OPHN1: variants seen among roughly 807,000 people sequenced by gnomAD.
OPHN1 encodes oligophrenin-1.
OPHN1 carries 11 observed loss-of-function variants against 60.7 expected under a neutral mutation model. That is an observed-to-expected ratio of 0.18 (90% confidence interval 0.11 to 0.30). The LOEUF is 0.30. Ranked by LOEUF, OPHN1 falls within the 10% of genes least tolerant of loss-of-function variation. The pLI is 1.00. For missense variants in OPHN1, 449 were observed against 611.0 expected (o/e 0.73, Z 2.80); for synonymous variants, 226 against 222.6 (o/e 1.02, Z -0.14).
At chrX:68,415,016 CAG>C (rs1443864728) in intron 2 of OPHN1, among the ~76,000 whole-genome samples, 3 of 112,143 alleles carry the variant, frequency 2.7e-5, no homozygotes, top group African/African-American at 9.7e-5. Flanking sequence ...CTCAAAAGGA[CAG>C]AGTTAAAGAT....
Position 68,068,557 on chromosome X carries a change from T to A in OPHN1, c.1835-4380A>T, listed in dbSNP as rs769202786. ...AAAGTTTTAATATAGACCGACCATA[T>A]AACCTACAATTCCAGTCCTAGGTAT... is the stretch of plus-strand genomic sequence containing the variant. On this transcript the variant is annotated intron_variant, in intron 20 of 24. Coordinates refer to ENST00000355520, the MANE Select transcript of OPHN1 (RefSeq NM_002547.3). Among the ~76,000 whole-genome samples the A allele has an allele frequency of 3.9e-5, 4 of 101,793 alleles. No homozygotes were observed. The Admixed American group carries it at 4.3e-4, about 11-fold the overall frequency. The allele number at this position is 101,793 out of a possible 115,157, so 88.4% of individuals were successfully genotyped here.
intron 2 of OPHN1, among the ~76,000 whole-genome samples, chrX:68,313,784 C>A (rs144232370): frequency 5.3e-4 from 59 of 111,394 alleles, no homozygotes; most frequent in African/African-American, 1.7e-3. Context: ...TACTGAATAG[C>A]ACAACAGTGT....
chrX:68,251,060 T>A (rs2077831425), intron 5 of OPHN1, among the ~76,000 whole-genome samples: 1 of 110,400 alleles, frequency 9.1e-6, no homozygotes, highest in African/African-American at 3.3e-5. Flanking sequence ...TGTTCAGGGC[T>A]TTGAAGAAAT....
intron 20 of OPHN1, among the ~76,000 whole-genome samples, chrX:68,065,370 T>C (rs1021900424): frequency 1.8e-5 from 2 of 111,634 alleles, no homozygotes; most frequent in African/African-American, 6.5e-5. Context: ...AGAGTTCCTT[T>C]CTTTTAGAGA....
At chrX:68,155,929 A>G (rs1474421676) in intron 15 of OPHN1, among the ~76,000 whole-genome samples, 2 of 111,981 alleles carry the variant, frequency 1.8e-5, no homozygotes, top group African/African-American at 6.5e-5. Flanking sequence ...AAAGAATAAG[A>G]AGAAATTTCA....
At chrX:68,374,976 C>G (rs958526486) in intron 2 of OPHN1, among the ~76,000 whole-genome samples, 4 of 111,812 alleles carry the variant, frequency 3.6e-5, no homozygotes, top group Non-Finnish European at 7.5e-5. Context: ...CCATGTGCTG[C>G]CAAGGATAGA....
intron 2 of OPHN1, among the ~76,000 whole-genome samples, chrX:68,413,695 C>T (rs770730040): frequency 9.0e-6 from 1 of 111,327 alleles, no homozygotes; most frequent in Non-Finnish European, 1.9e-5. Flanking sequence ...CACTTGAGCC[C>T]AGGAGTTCAA....
chrX:68,389,618 G>T lies in OPHN1; in HGVS notation c.154+43249C>A, dbSNP rs1433660066. Reference sequence around the variant, plus strand: ...AAATAAATAAATAAATAAATAAAATGTGTAATGACATGGGAAGATATTAAT... The same window carrying T: ...AAATAAATAAATAAATAAATAAAATTTGTAATGACATGGGAAGATATTAAT... On this transcript the variant is annotated intron_variant, in intron 2 of 24. Coordinates refer to ENST00000355520, the MANE Select transcript of OPHN1 (RefSeq NM_002547.3). 9.0e-5 allele frequency among the ~76,000 whole-genome samples: 8 copies of T among 89,203 alleles called. No individual in the cohort carries two copies. In the Admixed American group the frequency reaches 1.0e-3, roughly 11 times the overall value. The allele number at this position is 89,203 out of a possible 115,157, so 77.5% of individuals were successfully genotyped here. A position where few individuals can be genotyped will look rare whatever the true frequency, so the allele number is the denominator to read the frequency against.
intron 21 of OPHN1, 41 bp from the exon 22 acceptor site, chrX:68,053,851 A>G (rs1463365536): frequency 8.4e-7 from 1 of 1,186,816 alleles, no homozygotes; most frequent in Admixed American, 2.3e-5. Context: ...ATGGTTAGCC[A>G]AACAGAACAC....
At chrX:68,232,683 CT>C (rs769596517) in intron 6 of OPHN1, among the ~76,000 whole-genome samples, 3 of 111,759 alleles carry the variant, frequency 2.7e-5, no homozygotes, top group African/African-American at 9.7e-5. Context: ...ATGTTGGGAG[CT>C]GTTTAACAGT....
chrX:68,356,152 G>A (rs2078439424), intron 2 of OPHN1, among the ~76,000 whole-genome samples: 1 of 109,304 alleles, frequency 9.1e-6, no homozygotes, highest in African/African-American at 3.3e-5. Context: ...TTTCTGTAGG[G>A]GTGTTTTTGG....
At chrX:68,117,295 T>C (rs1312766805) in intron 16 of OPHN1, among the ~76,000 whole-genome samples, 2 of 111,757 alleles carry the variant, frequency 1.8e-5, no homozygotes, top group Non-Finnish European at 3.8e-5. Context: ...TGATTCCAAC[T>C]TACAGTTCAA....
At position 68,193,876 on chromosome X, in the gene OPHN1, G is replaced by T. The variant is rs1490768639; in HGVS notation, c.1201+14C>A. 4 of 1,183,805 alleles carry T rather than the reference G, an allele frequency of 3.4e-6. No homozygotes were observed. The highest frequency in any genetic ancestry group is 4.6e-6 in the Non-Finnish European group (4 of 871,589). On this transcript the variant is annotated intron_variant, in intron 14 of 24. Coordinates refer to ENST00000355520, the MANE Select transcript of OPHN1 (RefSeq NM_002547.3). ...GAGATTCAGACAATGCCAAGACTAT[G>T]GTTCAGATCTTACCTTTGGTCTCAA...
chrX:68,258,797 A>G (rs1355587688), intron 5 of OPHN1, among the ~76,000 whole-genome samples: 1 of 111,506 alleles, frequency 9.0e-6, no homozygotes, highest in Non-Finnish European at 1.9e-5. Context: ...CTGTGTCTGT[A>G]CAGCAAATTT....
At position 68,427,274 on chromosome X, in the gene OPHN1, A is replaced by G. The variant is rs746579461; in HGVS notation, c.154+5593T>C. ...ACACAGTGAACTCTGTCTCAAAAAA[A>G]AAAAACAACAACAACAACAAAAAAT... On this transcript the variant is annotated intron_variant, in intron 2 of 24. Coordinates refer to ENST00000355520, the MANE Select transcript of OPHN1 (RefSeq NM_002547.3). Among the ~76,000 whole-genome samples, 29 of 109,195 alleles carry G rather than the reference A, an allele frequency of 2.7e-4. No individual in the cohort carries two copies. The East Asian group carries it at 7.4e-3, about 28-fold the overall frequency. The allele number at this position is 109,195 out of a possible 115,157, so 94.8% of individuals were successfully genotyped here.
chrX:68,415,730 C>T (rs1356027590), intron 2 of OPHN1, among the ~76,000 whole-genome samples: 1 of 111,208 alleles, frequency 9.0e-6, no homozygotes, highest in Non-Finnish European at 1.9e-5. Flanking sequence ...TATACCAGTT[C>T]AAGGCTGGGT....
At chrX:68,228,543 C>T (rs1189999309) in intron 6 of OPHN1, among the ~76,000 whole-genome samples, 5 of 111,749 alleles carry the variant, frequency 4.5e-5, no homozygotes, top group East Asian at 2.8e-4. Flanking sequence ...TCCAGCAGCA[C>T]ATCAAAAAGC....
At chrX:68,125,932 T>TAA (rs2077168616) in intron 15 of OPHN1, among the ~76,000 whole-genome samples, 1 of 53,294 alleles carries the variant, frequency 1.9e-5, no homozygotes, top group African/African-American at 6.8e-5. Context: ...CACTGATCAA[T>TAA]ATATATATAT....
chrX:68,055,874 G>A (rs2765957), intron 21 of OPHN1, among the ~76,000 whole-genome samples: 15,200 of 110,598 alleles, frequency 0.14, 1,036 homozygotes, highest in East Asian at 0.32. Flanking sequence ...AACACCGCAC[G>A]TTCTCACTCA....
Sources: allele counts gnomAD v4.1 joint callset (sites outside exome capture counted in the v4.1 genomes callset), GRCh38; gene constraint gnomAD v4.1.1; transcripts MANE v1.5; gene names NCBI Gene and HGNC (gene_info 2026-07-23, HGNC 2026-07-21).